Variants in TMEM243 observed in about 807,000 individuals in gnomAD.
TMEM243 encodes transmembrane protein 243.
In TMEM243, 20 loss-of-function variants were observed where a neutral mutation model predicts 15.0. The ratio of observed to expected loss-of-function variants is 1.33; its 90% confidence interval spans 0.94 to 1.93. TMEM243 has a LOEUF of 1.93. TMEM243 is among the 30% of genes most tolerant of loss of function. The pLI is 0.00. For synonymous variants in TMEM243, 72 were observed against 52.7 expected, an observed-to-expected ratio of 1.37 and a Z score of -1.59; for missense variants, 156 against 142.1, an observed-to-expected ratio of 1.10 and a Z score of -0.50.
At chr7:87,206,910 T>C (rs1489497697) in intron 1 of TMEM243, among the ~76,000 whole-genome samples, 1 of 152,228 alleles carries the variant, frequency 6.6e-6, no homozygotes, top group Non-Finnish European at 1.5e-5. Flanking sequence ...AGACCATTCA[T>C]CTCATCTTAC....
intron 1 of TMEM243, among the ~76,000 whole-genome samples, chr7:87,208,563 A>T (rs1802392192): frequency 6.6e-6 from 1 of 152,248 alleles, no homozygotes; most frequent in Admixed American, 6.5e-5. Context: ...AGATACCAGC[A>T]ATAGGCCTTG....
At chr7:87,197,623 C>A in intron 3 of TMEM243, 4 of 864,816 alleles carry the variant, frequency 4.6e-6, no homozygotes, top group East Asian at 3.0e-5. Flanking sequence ...TTGGCCCTTA[C>A]GTAGTCCTTG....
chr7:87,212,206 T>C (rs1802802631), intron 1 of TMEM243, among the ~76,000 whole-genome samples: 1 of 152,228 alleles, frequency 6.6e-6, no homozygotes, highest in African/African-American at 2.4e-5. Flanking sequence ...GTATTTGCAC[T>C]ATTTATACCA....
rs948641141 is a variant in TMEM243 at position 87,201,561 on chromosome 7, A to G, written c.79-2504T>C. Among the ~76,000 whole-genome samples the G allele has an allele frequency of 5.9e-5, 9 of 152,300 alleles. No individual in the cohort carries two copies. In the South Asian group the frequency reaches 6.2e-4, roughly 11 times the overall value. On this transcript the variant is annotated intron_variant, in intron 1 of 3. Coordinates refer to ENST00000257637, the MANE Select transcript of TMEM243 (RefSeq NM_024315.4). The stretch of plus-strand genomic sequence containing the variant: ...GTTTTAGCAGCTCTTCTAGCTCCCA[A>G]TCTCCAAAGAGGATAATAGAGAATA...
At chr7:87,197,891 T>C in intron 3 of TMEM243, 50 bp downstream of exon 3, 2 of 1,611,880 alleles carry the variant, frequency 1.2e-6, no homozygotes, top group South Asian at 2.2e-5. Flanking sequence ...GTCCTGTGCA[T>C]TGCAACTTAA....
At chr7:87,217,406 T>C (rs1256067292) in intron 1 of TMEM243, among the ~76,000 whole-genome samples, 2 of 152,250 alleles carry the variant, frequency 1.3e-5, no homozygotes, top group Admixed American at 6.5e-5. Flanking sequence ...TCCACTGTAA[T>C]GTGTCCTACC....
intron 1 of TMEM243, among the ~76,000 whole-genome samples, chr7:87,206,971 G>A (rs1338641481): frequency 6.6e-6 from 1 of 152,260 alleles, no homozygotes; most frequent in African/African-American, 2.4e-5. Context: ...CACTGCTGCA[G>A]GGCAGGCATG....
rs776317000 is a variant in TMEM243, at chr7:87,219,432, G to T, written c.72C>A (p.Ser24=). 1.2e-5 allele frequency: 20 copies of T among 1,614,050 alleles called. No homozygotes were observed. The highest frequency in any genetic ancestry group is 8.5e-7 in the Non-Finnish European group (1 of 1,180,004). Residue 24 remains serine, a synonymous_variant, in exon 1 of 4, where the codon TCC becomes TCA. Coordinates refer to ENST00000257637, the MANE Select transcript of TMEM243 (RefSeq NM_024315.4). ...LDNRPLFGET[S]AKDRIINLVV... is the part of the protein sequence containing the mutation. ...AGTCACAATCCGCACTCACCTTGGC[G>T]GACGTCTCCCCAAACAGAGGTCTGT...
At chr7:87,216,273 CAAAAAAAAA>C (rs3057445) in intron 1 of TMEM243, among the ~76,000 whole-genome samples, 4 of 83,892 alleles carry the variant, frequency 4.8e-5, no homozygotes, top group Non-Finnish European at 9.4e-5. Context: ...GACTCCGTCT[CAAAAAAAAA>C]AAAAAAAAAA....
intron 1 of TMEM243, among the ~76,000 whole-genome samples, chr7:87,216,009 G>A (rs986756317): frequency 4.6e-5 from 7 of 152,030 alleles, no homozygotes; most frequent in African/African-American, 1.4e-4. Context: ...GGTGGCTCAC[G>A]CCTGTAATCC....
rs768211255 is a variant in TMEM243, at chr7:87,197,789, A to G, written c.234+152T>C. ...TTTAGGAGAAAAGGAGAAGACTCAG[A>G]TTTTATTGAGAATTCTAACATACTT... On this transcript the variant is annotated intron_variant, in intron 3 of 3. Coordinates refer to ENST00000257637, the MANE Select transcript of TMEM243 (RefSeq NM_024315.4). 33 of 1,469,444 alleles carry G rather than the reference A, an allele frequency of 2.2e-5. No individual in the cohort carries two copies. The African/African-American group carries it at 2.8e-4, about 13-fold the overall frequency. 91.0% of individuals were successfully genotyped at this position (1,469,444 alleles called of 1,614,324 possible).
At chr7:87,200,731 C>T (rs533479837) in intron 1 of TMEM243, among the ~76,000 whole-genome samples, 2 of 152,244 alleles carry the variant, frequency 1.3e-5, no homozygotes, top group East Asian at 3.9e-4. Context: ...AAAACAGGCT[C>T]AGGGAAACTG....
chr7:87,201,968 A>T (rs940778215), intron 1 of TMEM243, among the ~76,000 whole-genome samples: 1 of 152,232 alleles, frequency 6.6e-6, no homozygotes, highest in Non-Finnish European at 1.5e-5. Flanking sequence ...TTTCCTTCCC[A>T]GAGACAAAAT....
chr7:87,218,061 T>G (rs1803235573), intron 1 of TMEM243, among the ~76,000 whole-genome samples: 1 of 152,224 alleles, frequency 6.6e-6, no homozygotes, highest in Non-Finnish European at 1.5e-5. Flanking sequence ...ATGGACAAAT[T>G]TCTCATACAA....
intron 2 of TMEM243, 130 bp downstream of exon 2, chr7:87,198,877 T>G: frequency 2.7e-6 from 2 of 747,642 alleles, no homozygotes; most frequent in Non-Finnish European, 4.3e-6. Flanking sequence ...CTACTCCAAT[T>G]AGCAACTGCA....
intron 1 of TMEM243, among the ~76,000 whole-genome samples, chr7:87,202,528 AC>A (rs1379221002): frequency 3.9e-5 from 6 of 152,228 alleles, no homozygotes; most frequent in African/African-American, 1.4e-4. Context: ...GATATATGCA[AC>A]TGGTTTGTAT....
chr7:87,200,498 G>A (rs1011249485), intron 1 of TMEM243, among the ~76,000 whole-genome samples: 1 of 152,164 alleles, frequency 6.6e-6, no homozygotes, highest in Admixed American at 6.6e-5. Flanking sequence ...CTGAGCGCCA[G>A]GGATTTCCAA....
At chr7:87,211,607 C>T (rs941932697) in intron 1 of TMEM243, among the ~76,000 whole-genome samples, 3 of 152,146 alleles carry the variant, frequency 2.0e-5, no homozygotes, top group Non-Finnish European at 4.4e-5. Flanking sequence ...AGTCAGAAGC[C>T]TAAGGGGCCA....
intron 2 of TMEM243, 56 bp from the exon 3 acceptor site, chr7:87,198,101 A>T: frequency 6.9e-7 from 1 of 1,457,882 alleles, no homozygotes; most frequent in Non-Finnish European, 9.5e-7. Flanking sequence ...CTTGGTAATT[A>T]CCAACTGGAG....
Sources: allele counts gnomAD v4.1 joint callset (sites outside exome capture counted in the v4.1 genomes callset), GRCh38; gene constraint gnomAD v4.1.1; transcripts MANE v1.5; gene names NCBI Gene and HGNC (gene_info 2026-07-23, HGNC 2026-07-21).